The following AQR variants were observed in gnomAD, a reference collection of about 807,000 sequenced individuals.
AQR encodes the protein aquarius intron-binding spliceosomal factor.
In AQR, 61 loss-of-function variants were observed where a neutral mutation model predicts 180.5. The ratio of observed to expected loss-of-function variants is 0.34; its 90% CI spans 0.28 to 0.42. The LOEUF is 0.42. AQR is among the 10% of genes least tolerant of loss of function. The probability of loss-of-function intolerance (pLI) is 1.00; values close to 1 mark genes in which losing one functional copy is unlikely to be tolerated. For synonymous variants in AQR, 551 were observed against 588.8 expected (o/e 0.94, Z 0.93); for missense variants, 1,281 against 1,798.3 (o/e 0.71, Z 5.20).
intron 13 of AQR, among the ~76,000 whole-genome samples, chr15:34,921,341 G>A (rs760759572): frequency 6.6e-6 from 1 of 151,194 alleles, no homozygotes; most frequent in Non-Finnish European, 1.5e-5. Context: ...GGCTGAGGCA[G>A]GAGAATCGCT....
chr15:34,867,420 ATAGTT>A (rs1892750679), intron 32 of AQR, 99 bp downstream of exon 32: 6 of 959,716 alleles, frequency 6.3e-6, no homozygotes, highest in Non-Finnish European at 8.0e-6. Flanking sequence ...CCTAGTAATT[ATAGTT>A]TAAACTTAAA....
intron 24 of AQR, among the ~76,000 whole-genome samples, chr15:34,889,690 G>C (rs1204062256): frequency 6.8e-6 from 1 of 147,566 alleles, no homozygotes; most frequent in East Asian, 2.0e-4. Context: ...TTTTTTTTTT[G>C]AGACAGAGTC....
chr15:34,969,333 C>A (rs1438660122), intron 1 of AQR, among the ~76,000 whole-genome samples: 5 of 152,302 alleles, frequency 3.3e-5, no homozygotes, highest in Non-Finnish European at 4.4e-5. Context: ...CTCCCCAGGG[C>A]AGGGCAGCTT....
chr15:34,944,337 T>A lies in AQR; in HGVS notation c.422A>T (p.His141Leu). The change falls in exon 6 of 35, where the codon CAT becomes CTT. Residue 141 changes from histidine to leucine, a missense_variant. Physicochemically the swap from His to Leu is moderately conservative, Grantham distance 99. This residue lies in a region of AQR where 404 missense variants were observed against 490.9 expected (regional missense o/e 0.82). Transcript: ENST00000156471. Reference protein sequence around the residue: ...LAETDGEFSLHEQTVLLLFLD... With the variant: ...LAETDGEFSLLEQTVLLLFLD... Reference sequence around the variant, plus strand: ...AAAAAGTAGTAAGACTGTCTGTTCATGAAGTGAAAATTCACCATCAGTTTC... The same window carrying A: ...AAAAAGTAGTAAGACTGTCTGTTCAAGAAGTGAAAATTCACCATCAGTTTC... 6.2e-7 allele frequency: 1 copy of A among 1,611,456 alleles called. No individual in the cohort carries two copies. Among genetic ancestry groups the A allele is most frequent in the Non-Finnish European group, 8.5e-7 (1 of 1,178,966 alleles).
chr15:34,884,756 G>A (rs1265302222), intron 25 of AQR, 22 bp from the exon 26 acceptor site: 1 of 1,531,354 alleles, frequency 6.5e-7, no homozygotes, highest in Non-Finnish European at 8.9e-7. Flanking sequence ...AGGACTTGAA[G>A]TTAACTGCCA....
At position 34,960,889 on chromosome 15, in the gene AQR, G is replaced by C. The variant is rs1262617632; in HGVS notation, c.133-75C>G. On this transcript the variant is annotated intron_variant, in intron 2 of 34. Transcript: ENST00000156471. ...CCTAAATTGACAGTTTTTAATGAGTGAGATTATATAAAATAAGTTGGTTTA... is the reference window on the plus strand; with the variant it reads ...CCTAAATTGACAGTTTTTAATGAGTCAGATTATATAAAATAAGTTGGTTTA... 39 of 523,752 alleles carry C rather than the reference G, an allele frequency of 7.4e-5. No individual in the cohort carries two copies. The East Asian group carries it at 1.9e-3, about 26-fold the overall frequency. 32.4% of individuals were successfully genotyped at this position (523,752 alleles called of 1,614,324 possible). A position where few individuals can be genotyped will look rare whatever the true frequency, so the allele number is the denominator to read the frequency against.
chr15:34,946,405 C>G (rs1383645109), intron 5 of AQR, among the ~76,000 whole-genome samples: 1 of 150,160 alleles, frequency 6.7e-6, no homozygotes, highest in African/African-American at 2.5e-5. Context: ...CCCCGCCCGG[C>G]CAGCCGCCCC....
intron 32 of AQR, among the ~76,000 whole-genome samples, chr15:34,865,310 C>G (rs1462025732): frequency 6.6e-6 from 1 of 152,106 alleles, no homozygotes; most frequent in Non-Finnish European, 1.5e-5. Flanking sequence ...CAGTTCGGTA[C>G]AAGAACAATG....
chr15:34,927,165 ATAAT>A (rs1346303353), intron 12 of AQR, 27 bp from the exon 13 acceptor site: 1 of 1,333,952 alleles, frequency 7.5e-7, no homozygotes, highest in Non-Finnish European at 1.0e-6. Flanking sequence ...AAAAATATTA[ATAAT>A]TAATGTCTAC....
chr15:34,908,099 A>C (rs910613903), intron 17 of AQR, among the ~76,000 whole-genome samples: 3 of 152,214 alleles, frequency 2.0e-5, no homozygotes, highest in Non-Finnish European at 4.4e-5. Flanking sequence ...ACCTTTTCAA[A>C]GGGACAAAAG....
intron 9 of AQR, among the ~76,000 whole-genome samples, chr15:34,936,121 T>C (rs1230203809): frequency 6.6e-6 from 1 of 152,190 alleles, no homozygotes; most frequent in African/African-American, 2.4e-5. Flanking sequence ...GACACAAATA[T>C]ATCCTTATCA....
intron 20 of AQR, among the ~76,000 whole-genome samples, chr15:34,899,554 T>A (rs1329221375): frequency 6.6e-6 from 1 of 151,466 alleles, no homozygotes; most frequent in East Asian, 1.9e-4. Flanking sequence ...TTTTTTTTTT[T>A]AATAGAGATG....
rs375985364 is a variant in AQR, at chr15:34,856,934, G to C, written c.4316C>G (p.Pro1439Arg). 35 of 1,613,944 alleles carry C rather than the reference G, an allele frequency of 2.2e-5. No individual in the cohort carries two copies. Among genetic ancestry groups the C allele is most frequent in the Non-Finnish European group, 2.6e-5 (31 of 1,180,010 alleles). ...ETPAFQTDTT[P>R]SETGATSTPE... is the part of the protein sequence containing the mutation. ...AGTGGAAGTGGCTCCTGTCTCACTG[G>C]GGGTGGTGTCAGTTTGAAAGGCTGG... Residue 1439 changes from proline (P) to arginine (R), a missense_variant, in exon 35 of 35, where the codon CCC becomes CGC. Pro to Arg is a moderately radical substitution (Grantham distance 103). This residue lies in a region of AQR where 182 missense variants were observed against 185.3 expected (regional missense o/e 0.98). Transcript: ENST00000156471.
At chr15:34,896,432 A>C (rs569432353) in intron 22 of AQR, among the ~76,000 whole-genome samples, 1 of 152,314 alleles carries the variant, frequency 6.6e-6, no homozygotes, top group African/African-American at 2.4e-5. Context: ...AAGATCTCTA[A>C]ATGCATAAGA....
At chr15:34,940,802 A>C in intron 8 of AQR, 97 bp downstream of exon 8, 2 of 859,968 alleles carry the variant, frequency 2.3e-6, no homozygotes, top group South Asian at 3.0e-5. Context: ...ATTTGCACTC[A>C]GCACTATATA....
chr15:34,857,918 G>A (rs898181223), intron 34 of AQR, among the ~76,000 whole-genome samples: 5 of 152,216 alleles, frequency 3.3e-5, no homozygotes, highest in Non-Finnish European at 7.3e-5. Flanking sequence ...CCCCATGGCA[G>A]TCTAGTGACT....
intron 10 of AQR, among the ~76,000 whole-genome samples, 156 bp from the exon 11 acceptor site, chr15:34,932,590 A>G (rs1242954177): frequency 6.6e-6 from 1 of 152,236 alleles, no homozygotes; most frequent in African/African-American, 2.4e-5. Flanking sequence ...GGTCCCGTTC[A>G]TGCTGTAAAT....
intron 10 of AQR, among the ~76,000 whole-genome samples, chr15:34,933,324 T>C (rs902907164): frequency 6.6e-6 from 1 of 152,174 alleles, no homozygotes; most frequent in African/African-American, 2.4e-5. Flanking sequence ...ACCACCTTAC[T>C]TCTCCAGACA....
chr15:34,958,123 G>T (rs1382092120), intron 3 of AQR, among the ~76,000 whole-genome samples: 1 of 152,104 alleles, frequency 6.6e-6, no homozygotes, highest in Non-Finnish European at 1.5e-5. Flanking sequence ...CAGGGGAATG[G>T]CGTGGACCCG....
Sources: gnomAD v4.1 joint callset for allele counts (sites outside exome capture counted in the v4.1 genomes callset) on GRCh38, gnomAD v4.1.1 for gene constraint, gnomAD v4.1.1 regional missense constraint, MANE v1.5 for transcripts, NCBI Gene and HGNC (gene_info 2026-07-23, HGNC 2026-07-21) for gene names.